Variants in ERICH1 observed in about 807,000 individuals in gnomAD.
ERICH1 encodes glutamate rich 1, also known as glutamate-rich protein 1.
A neutral mutation model predicts 39.6 loss-of-function variants in ERICH1; 56 were observed. The observed-to-expected ratio is 1.41, with a 90% CI of 1.14 to 1.77. ERICH1 has a LOEUF of 1.77. Among genes scored for constraint, ERICH1 ranks in the 40% most tolerant of loss-of-function variants. ERICH1 has a pLI of 0.00. For missense variants in ERICH1, 826 were observed against 575.4 expected (o/e 1.44, Z -4.45); for synonymous variants, 313 against 223.6 (o/e 1.40, Z -3.57).
intron 4 of ERICH1, among the ~76,000 whole-genome samples, chr8:672,847 G>A (rs763843309): frequency 1.3e-5 from 2 of 152,244 alleles, no homozygotes; most frequent in Admixed American, 6.5e-5. Context: ...TCCTAAAGGC[G>A]CAAGCTGTGT....
downstream of ERICH1, among the ~76,000 whole-genome samples, chr8:660,436 G>A (rs1452613429): frequency 6.6e-6 from 1 of 152,222 alleles, no homozygotes; most frequent in Non-Finnish European, 1.5e-5. Context: ...GGGACTTGGT[G>A]CCTTGAGGTG....
Position 716,005 on chromosome 8 carries a change from A to G in ERICH1, c.25T>C (p.Phe9Leu). 6.2e-7 allele frequency: 1 copy of G among 1,601,926 alleles called. No homozygotes were observed. The highest frequency in any genetic ancestry group is 2.2e-5 in the East Asian group (1 of 44,770). The change falls in exon 2 of 6, where the codon TTT becomes CTT. Residue 9 changes from phenylalanine (F) to leucine (L), a missense_variant and splice_region_variant. By Grantham distance (22) the Phe-to-Leu change is conservative (BLOSUM62 0). Transcript: ENST00000262109. MAAHRKHV[F>L]VEKVLQRLFP... ...AGTCTCTGCAGCACCTTCTCCACAA[A>G]CACTGTACAGACAACCGATTAAAAG...
At chr8:659,064 G>GGGGT (rs1801068085) in intron 3 of ERICH1, among the ~76,000 whole-genome samples, 1 of 73,004 alleles carries the variant, frequency 1.4e-5, no homozygotes, top group African/African-American at 5.7e-5. Context: ...TCCTGGGGAG[G>GGGGT]GGGTGACGAT....
chr8:702,342 C>T (rs1027934448), intron 2 of ERICH1, among the ~76,000 whole-genome samples: 6 of 152,114 alleles, frequency 3.9e-5, no homozygotes, highest in South Asian at 2.1e-4. Flanking sequence ...AGAACGCCGG[C>T]GAGTCAAGTG....
intron 3 of ERICH1, among the ~76,000 whole-genome samples, chr8:631,286 CCT>C (rs1483560104): frequency 7.9e-5 from 12 of 152,346 alleles, no homozygotes; most frequent in African/African-American, 2.2e-4. Flanking sequence ...CCCTGCTCCA[CCT>C]CTGTGAGTGT....
At chr8:626,843 T>A (rs1362873795) in intron 3 of ERICH1, 1 of 262,566 alleles carries the variant, frequency 3.8e-6, no homozygotes, top group Non-Finnish European at 8.0e-6. Flanking sequence ...GGTCTCTTAA[T>A]CTCGGAGGCT....
intron 3 of ERICH1, among the ~76,000 whole-genome samples, chr8:622,659 G>C (rs1797357641): frequency 6.6e-6 from 1 of 152,100 alleles, no homozygotes; most frequent in South Asian, 2.1e-4. Flanking sequence ...AATTCTATCA[G>C]ACATTTAAAA....
Position 703,631 on chromosome 8 carries a change from T to G in ERICH1, c.170-11019A>C, listed in dbSNP as rs1274198214. On this transcript the variant is annotated intron_variant, in intron 2 of 5. Transcript: ENST00000262109. ...AGGGAGAGCCTGTCCATAGAGAGTGTGAGAGACCCTTCTTCTCCTCCTTCC... is the reference window on the plus strand; with the variant it reads ...AGGGAGAGCCTGTCCATAGAGAGTGGGAGAGACCCTTCTTCTCCTCCTTCC... Among the ~76,000 whole-genome samples, 3 of 152,130 alleles carry G rather than the reference T, an allele frequency of 2.0e-5. No homozygotes were observed. The South Asian group carries it at 6.2e-4, about 31-fold the overall frequency.
intron 1 of ERICH1, among the ~76,000 whole-genome samples, chr8:723,732 C>G (rs1326903274): frequency 6.6e-6 from 1 of 152,110 alleles, no homozygotes; most frequent in East Asian, 1.9e-4. Flanking sequence ...TTTCAATTTT[C>G]TTTTTTCAGT....
chr8:689,439 T>G (rs1309610484), intron 3 of ERICH1, among the ~76,000 whole-genome samples: 1 of 152,196 alleles, frequency 6.6e-6, no homozygotes, highest in Non-Finnish European at 1.5e-5. Flanking sequence ...TGATGTAAGG[T>G]AAGCATTTCC....
intron 1 of ERICH1, among the ~76,000 whole-genome samples, chr8:730,878 G>T (rs1421171405): frequency 6.6e-6 from 1 of 152,188 alleles, no homozygotes; most frequent in Non-Finnish European, 1.5e-5. Context: ...GCTCGCCTCC[G>T]CCCAGGACCC....
intron 3 of ERICH1, among the ~76,000 whole-genome samples, chr8:635,635 C>A (rs536262139): frequency 6.6e-6 from 1 of 152,346 alleles, no homozygotes; most frequent in Admixed American, 6.5e-5. Flanking sequence ...TCCAGGGACT[C>A]CCAGCAACCC....
At chr8:642,338 T>A (rs1799091950) in intron 3 of ERICH1, among the ~76,000 whole-genome samples, 2 of 7,278 alleles carry the variant, frequency 2.7e-4, no homozygotes, top group African/African-American at 1.3e-3. Flanking sequence ...GGTCTGGACT[T>A]TTTTTTTTTT....
At chr8:624,303 T>C (rs1375545805) in intron 3 of ERICH1, among the ~76,000 whole-genome samples, 3 of 152,176 alleles carry the variant, frequency 2.0e-5, no homozygotes, top group Non-Finnish European at 4.4e-5. Flanking sequence ...AGGAAATGCA[T>C]ACTTTCCTGA....
chr8:717,352 C>T (rs975781388), intron 1 of ERICH1, among the ~76,000 whole-genome samples: 3 of 152,166 alleles, frequency 2.0e-5, no homozygotes, highest in African/African-American at 7.2e-5. Context: ...GCGGGTCCCA[C>T]CCCTACAGAA....
At chr8:713,372 T>C (rs1010404029) in intron 2 of ERICH1, among the ~76,000 whole-genome samples, 2 of 152,224 alleles carry the variant, frequency 1.3e-5, no homozygotes, top group African/African-American at 2.4e-5. Flanking sequence ...TACTCCTTAA[T>C]TGGAACGTTA....
intron 3 of ERICH1, among the ~76,000 whole-genome samples, chr8:635,352 G>A (rs1016803156): frequency 6.6e-6 from 1 of 152,308 alleles, no homozygotes; most frequent in East Asian, 1.9e-4. Context: ...TAAACGCCAA[G>A]CCCGGGCCGT....
At chr8:668,464 C>G (rs753792263) in intron 5 of ERICH1, 134 bp downstream of exon 5, 5 of 816,076 alleles carry the variant, frequency 6.1e-6, no homozygotes, top group East Asian at 5.1e-5. Context: ...CTCTGGGACT[C>G]TATTCTCCCA....
At chr8:615,164 A>T in exon 4 of ERICH1, 1 of 628,394 alleles carries the variant, frequency 1.6e-6, no homozygotes. Context: ...CTATCACACA[A>T]AGTCGAAAGT....
Sources: gnomAD v4.1 joint callset for allele counts (sites outside exome capture counted in the v4.1 genomes callset) on GRCh38, gnomAD v4.1.1 for gene constraint, MANE v1.5 for transcripts, NCBI Gene and HGNC (gene_info 2026-07-23, HGNC 2026-07-21) for gene names.